CYP19A1: variants seen among roughly 807,000 people sequenced by gnomAD.
CYP19A1 encodes the protein cytochrome P450 family 19 subfamily A member 1.
CYP19A1 carries 32 observed loss-of-function variants against 44.4 expected under a neutral mutation model. The observed-to-expected ratio is 0.72, with a 90% confidence interval of 0.54 to 0.97. The LOEUF (loss-of-function observed/expected upper bound fraction) is 0.97, where lower values mean the gene tolerates loss of function less well. CYP19A1 is among the 50% of genes least tolerant of loss of function. CYP19A1 has a pLI of 0.00. For missense variants in CYP19A1, 598 were observed against 637.8 expected (o/e 0.94, Z 0.67); for synonymous variants, 212 against 215.6 (o/e 0.98, Z 0.14).
At chr15:51,248,474 A>G (rs1444221216) in intron 1 of CYP19A1, among the ~76,000 whole-genome samples, 1 of 152,238 alleles carries the variant, frequency 6.6e-6, no homozygotes, top group Admixed American at 6.5e-5. Context: ...ATCTAATGAA[A>G]GGATGTTGTC....
intron 1 of CYP19A1, among the ~76,000 whole-genome samples, chr15:51,308,711 C>A (rs1427922209): frequency 6.6e-6 from 1 of 152,150 alleles, no homozygotes; most frequent in African/African-American, 2.4e-5. Flanking sequence ...AGAACCCACA[C>A]TCAGGAGACC....
chr15:51,239,170 G>T (rs915003042), intron 2 of CYP19A1, among the ~76,000 whole-genome samples: 2 of 152,188 alleles, frequency 1.3e-5, no homozygotes, highest in Non-Finnish European at 2.9e-5. Context: ...TGCAATGATG[G>T]TGGGAGCCTC....
At chr15:51,218,926 C>A (rs2031830160) in intron 5 of CYP19A1, among the ~76,000 whole-genome samples, 1 of 152,196 alleles carries the variant, frequency 6.6e-6, no homozygotes, top group African/African-American at 2.4e-5. Flanking sequence ...AGTTTTCAGC[C>A]TAGAATTTCA....
At chr15:51,304,890 CTTTTTTTTTTTTTTTTTT>C (rs545247348) in intron 1 of CYP19A1, among the ~76,000 whole-genome samples, 4 of 104,574 alleles carry the variant, frequency 3.8e-5, no homozygotes, top group African/African-American at 1.9e-4. Flanking sequence ...GTGTCTCTTC[CTTTTTTTTTTTTTTTTTT>C]TTTTTTTTGA....
intron 1 of CYP19A1, among the ~76,000 whole-genome samples, chr15:51,319,352 T>C (rs569319487): frequency 6.6e-6 from 1 of 152,390 alleles, no homozygotes; most frequent in African/African-American, 2.4e-5. Context: ...CTACTTAAAG[T>C]ATCTGAAGAT....
chr15:51,304,792 T>A (rs1267563039), intron 1 of CYP19A1, among the ~76,000 whole-genome samples: 1 of 152,038 alleles, frequency 6.6e-6, no homozygotes, highest in East Asian at 1.9e-4. Context: ...TTTATTTTTT[T>A]AAATGATGCA....
chr15:51,248,939 T>C (rs2034187347), intron 1 of CYP19A1, among the ~76,000 whole-genome samples: 1 of 151,854 alleles, frequency 6.6e-6, no homozygotes, highest in African/African-American at 2.4e-5. Flanking sequence ...TCATCTTTTT[T>C]TTTTTTTTTT....
At chr15:51,235,720 A>G (rs2033350630) in intron 3 of CYP19A1, among the ~76,000 whole-genome samples, 1 of 152,194 alleles carries the variant, frequency 6.6e-6, no homozygotes, top group Admixed American at 6.5e-5. Context: ...TTATGAGATG[A>G]TGTATGTAAT....
At chr15:51,218,031 A>G (rs1021439404) in intron 6 of CYP19A1, among the ~76,000 whole-genome samples, 1 of 152,146 alleles carries the variant, frequency 6.6e-6, no homozygotes, top group East Asian at 1.9e-4. Context: ...CCCCCAAAAC[A>G]CAAGATACAT....
chr15:51,286,214 T>C (rs1383765008), intron 1 of CYP19A1, among the ~76,000 whole-genome samples: 2 of 152,184 alleles, frequency 1.3e-5, no homozygotes, highest in African/African-American at 4.8e-5. Context: ...TCTCTCTTTT[T>C]ACCCCTGCCA....
Position 51,210,429 on chromosome 15 carries a change from GC to G in CYP19A1, c.*378del, listed in dbSNP as rs1338286693. 1.9e-6 allele frequency: 1 copy of G among 515,672 alleles called. No homozygotes were observed. The highest frequency in any genetic ancestry group is 4.3e-5 in the East Asian group (1 of 23,120). The allele number at this position is 515,672 out of a possible 1,614,324, so 31.9% of individuals were successfully genotyped here. Reference sequence around the variant, plus strand: ...CTTTCTAATCAACTTGAGTGTTTCTGCCCCAGACATAAAAATCCCCTTGGGT... The same window carrying G: ...CTTTCTAATCAACTTGAGTGTTTCTGCCCAGACATAAAAATCCCCTTGGGT... On this transcript the variant is annotated 3_prime_UTR_variant, in exon 10 of 10. Coordinates refer to ENST00000396402, the MANE Select transcript of CYP19A1 (RefSeq NM_000103.4).
chr15:51,307,389 G>A (rs903298784), intron 1 of CYP19A1, among the ~76,000 whole-genome samples: 1 of 152,202 alleles, frequency 6.6e-6, no homozygotes, highest in Non-Finnish European at 1.5e-5. Flanking sequence ...TTTGAGGGGG[G>A]ACAAGTGGTC....
chr15:51,280,375 G>A (rs1241226334), intron 1 of CYP19A1, among the ~76,000 whole-genome samples: 1 of 151,514 alleles, frequency 6.6e-6, no homozygotes, highest in East Asian at 2.0e-4. Context: ...TGGGATTACA[G>A]GTGTGAGCCA....
chr15:51,318,710 TCAAGGA>T (rs1158312978), intron 1 of CYP19A1: 1 of 152,244 alleles, frequency 6.6e-6, no homozygotes, highest in Non-Finnish European at 1.5e-5. Context: ...TTTCCTGGGA[TCAAGGA>T]CACTTTGTTT....
At chr15:51,307,751 T>C (rs1260023578) in intron 1 of CYP19A1, among the ~76,000 whole-genome samples, 2 of 152,112 alleles carry the variant, frequency 1.3e-5, no homozygotes, top group Admixed American at 6.5e-5. Context: ...CCCTGAGAAA[T>C]GTATGTGATT....
chr15:51,270,602 AGTCT>A (rs2035089023), intron 1 of CYP19A1, among the ~76,000 whole-genome samples: 2 of 152,192 alleles, frequency 1.3e-5, no homozygotes, highest in East Asian at 3.8e-4. Context: ...ATCTCATTTG[AGTCT>A]TTAAAATTAA....
chr15:51,248,954 C>G (rs1248688399), intron 1 of CYP19A1, among the ~76,000 whole-genome samples: 4 of 145,556 alleles, frequency 2.7e-5, no homozygotes, highest in Non-Finnish European at 6.0e-5. Context: ...TTTTTTTAGA[C>G]AGAGTCTTGC....
chr15:51,242,988 C>A, intron 1 of CYP19A1, 38 bp from the exon 2 acceptor site: 2 of 1,034,752 alleles, frequency 1.9e-6, no homozygotes, highest in Non-Finnish European at 3.1e-6. Context: ...TACAGAATCC[C>A]CTAAAAGGTT....
At chr15:51,335,338 G>A (rs1429696208) in intron 1 of CYP19A1, among the ~76,000 whole-genome samples, 1 of 152,168 alleles carries the variant, frequency 6.6e-6, no homozygotes, top group Admixed American at 6.5e-5. Context: ...GTTGTTACCA[G>A]CCCGACTTGG....
Sources: allele counts gnomAD v4.1 joint callset (sites outside exome capture counted in the v4.1 genomes callset), GRCh38; gene constraint gnomAD v4.1.1; transcripts MANE v1.5; gene names NCBI Gene and HGNC (gene_info 2026-07-23, HGNC 2026-07-21).